The following ZSWIM6 variants were observed in gnomAD, a reference collection of about 807,000 sequenced individuals.
ZSWIM6 encodes zinc finger SWIM domain-containing protein 6.
A neutral mutation model predicts 113.2 loss-of-function variants in ZSWIM6; 9 were observed. The observed-to-expected ratio is 0.08, with a 90% CI of 0.05 to 0.14. ZSWIM6 has a LOEUF of 0.14. Ranked by LOEUF, ZSWIM6 falls within the 10% of genes least tolerant of loss-of-function variation. ZSWIM6 has a pLI of 1.00. For synonymous variants in ZSWIM6, 611 were observed against 606.5 expected, an observed-to-expected ratio of 1.01 and a Z score of -0.11; for missense variants, 1,162 against 1,552.2, an observed-to-expected ratio of 0.75 and a Z score of 4.22.
intron 10 of ZSWIM6, 37 bp downstream of exon 10, chr5:61,535,656 A>G: frequency 6.5e-7 from 1 of 1,548,628 alleles, no homozygotes; most frequent in Non-Finnish European, 8.7e-7. Flanking sequence ...GAGGCAGGCC[A>G]CATTCCCACT....
intron 1 of ZSWIM6, among the ~76,000 whole-genome samples, chr5:61,457,973 CCT>C (rs1279983703): frequency 3.9e-5 from 6 of 152,212 alleles, no homozygotes; most frequent in Admixed American, 2.0e-4. Flanking sequence ...CAAATTTCCC[CCT>C]CTTTAATTGC....
At position 61,489,168 on chromosome 5, in the gene ZSWIM6, C is replaced by T. The variant is rs4464640; in HGVS notation, c.1034-1618C>T. Among the ~76,000 whole-genome samples the T allele has an allele frequency of 3.0e-3, 458 of 152,116 alleles. 2 individuals are homozygous for T. Among genetic ancestry groups the T allele is most frequent in the Non-Finnish European group, 5.2e-3 (355 of 67,934 alleles). ...AAGGGCTATGCTCAAGTTCTTCTCA[C>T]ATGCAGACCCTTCTCTCCTTTCCTG... On this transcript the variant is annotated intron_variant, in intron 2 of 13. Coordinates refer to ENST00000252744, the MANE Select transcript of ZSWIM6 (RefSeq NM_020928.2).
chr5:61,467,357 C>T (rs1747457856), intron 1 of ZSWIM6, among the ~76,000 whole-genome samples: 1 of 152,044 alleles, frequency 6.6e-6, no homozygotes, highest in South Asian at 2.1e-4. Flanking sequence ...TTTTTGCAAG[C>T]CTATTTAATG....
At chr5:61,356,463 T>C (rs1431547944) in intron 1 of ZSWIM6, among the ~76,000 whole-genome samples, 3 of 151,722 alleles carry the variant, frequency 2.0e-5, no homozygotes, top group Non-Finnish European at 4.4e-5. Context: ...ATTTTATTTC[T>C]GGTAAAATAC....
At chr5:61,518,123 A>G (rs1227814089) in intron 4 of ZSWIM6, among the ~76,000 whole-genome samples, 1 of 151,864 alleles carries the variant, frequency 6.6e-6, no homozygotes, top group South Asian at 2.1e-4. Flanking sequence ...TGAACTCATC[A>G]TTTTTTATGG....
intron 1 of ZSWIM6, among the ~76,000 whole-genome samples, chr5:61,413,129 G>C (rs867122241): frequency 2.0e-5 from 3 of 150,310 alleles, no homozygotes; most frequent in Middle Eastern, 6.8e-3. Flanking sequence ...CCATTAACTT[G>C]TCATTTAGCA....
intron 1 of ZSWIM6, among the ~76,000 whole-genome samples, chr5:61,420,156 C>A (rs573966686): frequency 1.3e-5 from 2 of 152,330 alleles, no homozygotes; most frequent in African/African-American, 4.8e-5. Flanking sequence ...TCTTTAAATT[C>A]TTTCATCTTT....
intron 6 of ZSWIM6, 60 bp from the exon 7 acceptor site, chr5:61,526,189 AT>A: frequency 6.7e-7 from 1 of 1,494,782 alleles, no homozygotes; most frequent in Non-Finnish European, 8.9e-7. Flanking sequence ...TTACTATTAA[AT>A]TCTTTTTTTA....
At position 61,544,355 on chromosome 5, in the gene ZSWIM6, A is replaced by T; in HGVS notation, c.*38A>T. ...GAATGGGGTGGGGGGTGGGGATGGG[A>T]GGGATGGTTTGTTTTTACTTGAGCC... On this transcript the variant is annotated 3_prime_UTR_variant, in exon 14 of 14. Transcript: ENST00000252744. The T allele has an allele frequency of 1.1e-5, 5 of 474,436 alleles. No individual in the cohort carries two copies. The highest frequency in any genetic ancestry group is 1.6e-5 in the Non-Finnish European group (4 of 250,608). 29.4% of individuals were successfully genotyped at this position (474,436 alleles called of 1,614,324 possible).
At chr5:61,377,780 T>G (rs1745402362) in intron 1 of ZSWIM6, among the ~76,000 whole-genome samples, 1 of 149,476 alleles carries the variant, frequency 6.7e-6, no homozygotes, top group South Asian at 2.1e-4. Flanking sequence ...TCCACAAAGA[T>G]AGACAAATTT....
At chr5:61,348,496 A>C (rs987198994) in intron 1 of ZSWIM6, among the ~76,000 whole-genome samples, 17 of 152,208 alleles carry the variant, frequency 1.1e-4, no homozygotes, top group Non-Finnish European at 2.2e-4. Flanking sequence ...AAAGATAGGA[A>C]ACATTATAGT....
intron 1 of ZSWIM6, among the ~76,000 whole-genome samples, chr5:61,356,034 G>A (rs1424001101): frequency 2.0e-5 from 3 of 152,010 alleles, no homozygotes; most frequent in Non-Finnish European, 1.5e-5. Flanking sequence ...TTAACTTTTT[G>A]CCAGCATAAA....
intron 2 of ZSWIM6, among the ~76,000 whole-genome samples, chr5:61,485,242 G>A (rs1747986009): frequency 6.6e-6 from 1 of 152,104 alleles, no homozygotes; most frequent in African/African-American, 2.4e-5. Flanking sequence ...TCTTCTGGAA[G>A]ACTTGGTCTC....
At position 61,332,597 on chromosome 5, in the gene ZSWIM6, A is replaced by G. The variant is rs1200766544; in HGVS notation, c.325A>G (p.Ile109Val). 2.3e-6 allele frequency: 3 copies of G among 1,325,662 alleles called. No homozygotes were observed. The highest frequency in any genetic ancestry group is 1.6e-5 in the African/African-American group (1 of 62,692). 82.1% of individuals were successfully genotyped at this position (1,325,662 alleles called of 1,614,324 possible). Reference protein sequence around the residue: ...ERIPEPVQRRIVYWSFPRSER... With the variant: ...ERIPEPVQRRVVYWSFPRSER... The stretch of plus-strand genomic sequence containing the variant: ...CATCCCGGAGCCGGTGCAGCGCCGC[A>G]TAGTCTATTGGTCCTTCCCCCGCAG... The change falls in exon 1 of 14, where the codon ATA becomes GTA. Residue 109 changes from isoleucine (I) to valine (V), a missense_variant. Transcript: ENST00000252744.
chr5:61,480,350 T>C (rs1285038649), intron 2 of ZSWIM6, among the ~76,000 whole-genome samples: 1 of 152,184 alleles, frequency 6.6e-6, no homozygotes, highest in East Asian at 1.9e-4. Flanking sequence ...CCCTGAGATA[T>C]ATGCTGATGG....
chr5:61,337,112 C>T (rs1242463152), intron 1 of ZSWIM6, among the ~76,000 whole-genome samples: 3 of 152,110 alleles, frequency 2.0e-5, no homozygotes, highest in Admixed American at 1.3e-4. Context: ...GAAACCTCAT[C>T]TCTACTAAAA....
intron 1 of ZSWIM6, among the ~76,000 whole-genome samples, chr5:61,443,619 G>C (rs1746884208): frequency 6.6e-6 from 1 of 152,084 alleles, no homozygotes; most frequent in South Asian, 2.1e-4. Flanking sequence ...CACAAAATAG[G>C]ATCATTGGTG....
chr5:61,517,395 G>A (rs1055138788), intron 4 of ZSWIM6, among the ~76,000 whole-genome samples: 2 of 151,806 alleles, frequency 1.3e-5, no homozygotes, highest in South Asian at 4.2e-4. Context: ...TGTCATCTCC[G>A]TTCTGCTATT....
chr5:61,399,896 A>T (rs576884511), intron 1 of ZSWIM6, among the ~76,000 whole-genome samples: 2 of 152,282 alleles, frequency 1.3e-5, no homozygotes, highest in South Asian at 4.1e-4. Flanking sequence ...CTGTTTAATG[A>T]TTGTTATAAC....
Sources: gnomAD v4.1 joint callset for allele counts (sites outside exome capture counted in the v4.1 genomes callset) on GRCh38, gnomAD v4.1.1 for gene constraint, MANE v1.5 for transcripts, NCBI Gene and HGNC (gene_info 2026-07-23, HGNC 2026-07-21) for gene names.